FAM161A: variants seen among roughly 807,000 people sequenced by gnomAD.
FAM161A encodes FAM161 centrosomal protein A.
FAM161A carries 57 observed loss-of-function variants against 70.9 expected under a neutral mutation model. The observed-to-expected ratio is 0.80, with a 90% CI of 0.65 to 1.00. FAM161A has a LOEUF of 1.00. FAM161A is among the 50% of genes least tolerant of loss of function. FAM161A has a pLI of 0.00. For missense variants in FAM161A, 880 were observed against 836.0 expected (o/e 1.05, Z -0.65); for synonymous variants, 299 against 295.7 (o/e 1.01, Z -0.12).
At chr2:61,808,161 G>A in the FAM161A span, among the ~76,000 whole-genome samples, 1 of 152,214 alleles carries the variant, frequency 6.6e-6, no homozygotes, top group Non-Finnish European at 1.5e-5. Context: ...GCAGAGATAG[G>A]AAATTGCCTT....
rs185468546 is a variant in FAM161A at position 61,843,102 on chromosome 2, C to G, written c.184-742G>C. On this transcript the variant is annotated intron_variant, in intron 1 of 6. Coordinates refer to ENST00000404929, the MANE Select transcript of FAM161A (RefSeq NM_001201543.2). Reference sequence around the variant, plus strand: ...TCATGTTTAGAAGGGTCTGACTGGCCTTTCTCCCTCACTCCCTTTACATAC... The same window carrying G: ...TCATGTTTAGAAGGGTCTGACTGGCGTTTCTCCCTCACTCCCTTTACATAC... Among the ~76,000 whole-genome samples the G allele has an allele frequency of 6.5e-4, 99 of 151,910 alleles. 1 individual carries two copies. In the South Asian group the frequency reaches 9.4e-3, roughly 14 times the overall value.
intron 1 of FAM161A, among the ~76,000 whole-genome samples, chr2:61,848,950 TTATATATATATTTATATA>T (rs1558492183): frequency 5.6e-4 from 1 of 1,788 alleles, no homozygotes; most frequent in African/African-American, 4.5e-3. Flanking sequence ...TTATATATAT[TTATATATATATTTATATA>T]TATATATATT....
the FAM161A span, among the ~76,000 whole-genome samples, chr2:61,817,657 C>G: frequency 6.6e-6 from 1 of 152,130 alleles, no homozygotes; most frequent in Non-Finnish European, 1.5e-5. Context: ...AAGTGTTAAA[C>G]CAACATTTTC....
At chr2:61,807,643 T>TC in the FAM161A span, among the ~76,000 whole-genome samples, 1 of 147,532 alleles carries the variant, frequency 6.8e-6, no homozygotes. Flanking sequence ...ATTTTTTTTT[T>TC]TTTTTTTTTT....
Position 61,842,387 on chromosome 2 carries a change from T to C in FAM161A, c.184-27A>G, listed in dbSNP as rs1347862685. Reference sequence around the variant, plus strand: ...TGGTGGGGAGAAAACACTTGATATATAGTGACTGGAGCTGAAAGACAAATT... The same window carrying C: ...TGGTGGGGAGAAAACACTTGATATACAGTGACTGGAGCTGAAAGACAAATT... On this transcript the variant is annotated intron_variant, in intron 1 of 6. Coordinates refer to ENST00000404929, the MANE Select transcript of FAM161A (RefSeq NM_001201543.2). 6 of 1,404,808 alleles carry C rather than the reference T, an allele frequency of 4.3e-6. No individual in the cohort carries two copies. In the East Asian group the frequency reaches 7.4e-5, roughly 17 times the overall value. 87.0% of individuals were successfully genotyped at this position (1,404,808 alleles called of 1,614,324 possible).
the FAM161A span, among the ~76,000 whole-genome samples, chr2:61,801,858 G>A: frequency 6.6e-6 from 1 of 152,056 alleles, no homozygotes; most frequent in Non-Finnish European, 1.5e-5. Context: ...ACCGTGCCCG[G>A]CTTGAATAAT....
rs761315487 is a variant in FAM161A, at chr2:61,838,489, AAG to A, written c.1751+47_1751+48del. ...TTTACTATCTACTGATTAAAAAAAA[AAG>A]AGTTTGAAAACCAGTGGTCTGGAGA... is the stretch of plus-strand genomic sequence containing the variant. On this transcript the variant is annotated intron_variant, in intron 4 of 6. Transcript: ENST00000404929. 3.9e-5 allele frequency: 58 copies of A among 1,488,036 alleles called. No homozygotes were observed. In the African/African-American group the frequency reaches 7.2e-4, roughly 18 times the overall value. 92.2% of individuals were successfully genotyped at this position (1,488,036 alleles called of 1,614,324 possible).
chr2:61,800,422 T>G, the FAM161A span, among the ~76,000 whole-genome samples: 1 of 152,320 alleles, frequency 6.6e-6, no homozygotes, highest in East Asian at 1.9e-4. Flanking sequence ...CTGCTGCAGC[T>G]GCTCTAGGGA....
chr2:61,851,491 C>T (rs893908443), intron 1 of FAM161A, among the ~76,000 whole-genome samples: 9 of 152,166 alleles, frequency 5.9e-5, no homozygotes, highest in African/African-American at 1.9e-4. Flanking sequence ...CGTGCCACCA[C>T]GTCCGGCTAC....
At chr2:61,815,533 G>GTTT in the FAM161A span, among the ~76,000 whole-genome samples, 3 of 94,622 alleles carry the variant, frequency 3.2e-5, no homozygotes, top group African/African-American at 8.5e-5. Context: ...TGAAAGATGT[G>GTTT]TCTTTTTTTT....
the FAM161A span, among the ~76,000 whole-genome samples, chr2:61,803,756 G>A: frequency 1.3e-5 from 2 of 152,192 alleles, no homozygotes; most frequent in South Asian, 4.1e-4. Flanking sequence ...GGAGGTTGCA[G>A]TGAGCTGAGA....
At chr2:61,852,162 T>G (rs986373179) in intron 1 of FAM161A, among the ~76,000 whole-genome samples, 2 of 152,044 alleles carry the variant, frequency 1.3e-5, no homozygotes, top group African/African-American at 4.8e-5. Flanking sequence ...ACCAAACTCT[T>G]AAGACTTGGC....
chr2:61,818,428 G>A, the FAM161A span, among the ~76,000 whole-genome samples: 1 of 152,176 alleles, frequency 6.6e-6, no homozygotes, highest in Non-Finnish European at 1.5e-5. Flanking sequence ...CAATGCCAGG[G>A]CTGGGTCAGA....
At chr2:61,836,551 TTTATTA>T (rs1672781613) in intron 4 of FAM161A, 1 of 156,336 alleles carries the variant, frequency 6.4e-6, no homozygotes, top group Admixed American at 6.4e-5. Flanking sequence ...GCTCTTATTT[TTTATTA>T]TTATTTTATT....
chr2:61,835,282 A>G (rs1672730175), intron 5 of FAM161A, among the ~76,000 whole-genome samples: 1 of 152,190 alleles, frequency 6.6e-6, no homozygotes, highest in South Asian at 2.1e-4. Context: ...ACCCATACAG[A>G]TGCCTCCCCT....
rs1274320386 is a variant in FAM161A, at chr2:61,825,279, G to GTGTTGTT, written c.*1175_*1176insAACAACA. On this transcript the variant is annotated 3_prime_UTR_variant, in exon 7 of 7. Coordinates refer to ENST00000404929, the MANE Select transcript of FAM161A (RefSeq NM_001201543.2). Reference sequence around the variant, plus strand: ...AACACTGTACACAGAGAGATAAAGTGTGTTGGCAATAATATGTAAAAAGTT... The same window carrying GTGTTGTT: ...AACACTGTACACAGAGAGATAAAGTGTGTTGTTTGTTGGCAATAATATGTAAAAAGTT... The GTGTTGTT allele has an allele frequency of 6.6e-6, 3 of 454,040 alleles. No individual in the cohort carries two copies. Among genetic ancestry groups the GTGTTGTT allele is most frequent in the Non-Finnish European group, 1.3e-5 (3 of 226,784 alleles). 28.1% of individuals were successfully genotyped at this position (454,040 alleles called of 1,614,324 possible). A position where few individuals can be genotyped will look rare whatever the true frequency, so the allele number is the denominator to read the frequency against.
the FAM161A span, among the ~76,000 whole-genome samples, chr2:61,812,928 G>A: frequency 2.0e-5 from 3 of 151,664 alleles, no homozygotes; most frequent in African/African-American, 4.8e-5. Context: ...AATTAGCTGG[G>A]CGTGGTGGCA....
At chr2:61,849,183 T>C (rs1477656324) in intron 1 of FAM161A, among the ~76,000 whole-genome samples, 1 of 138,332 alleles carries the variant, frequency 7.2e-6, no homozygotes, top group Non-Finnish European at 1.5e-5. Flanking sequence ...ATGTACTGTA[T>C]ATTAAAATAT....
downstream of FAM161A, among the ~76,000 whole-genome samples, chr2:61,823,573 C>T (rs546599262): frequency 6.6e-6 from 1 of 151,800 alleles, no homozygotes; most frequent in African/African-American, 2.4e-5. Context: ...ACCATGTTGC[C>T]CAGGCTGATC....
Sources: gnomAD v4.1 joint callset for allele counts (sites outside exome capture counted in the v4.1 genomes callset) on GRCh38, gnomAD v4.1.1 for gene constraint, MANE v1.5 for transcripts, NCBI Gene and HGNC (gene_info 2026-07-23, HGNC 2026-07-21) for gene names.